The following DNAAF8 variants were observed in gnomAD, a reference collection of about 807,000 sequenced individuals.
The protein encoded by DNAAF8 is dynein axonemal-associated protein 1.
Under a neutral mutation model 54.6 loss-of-function variants are expected in DNAAF8, and 61 were observed. The ratio of observed to expected loss-of-function variants is 1.12; its 90% CI spans 0.91 to 1.38. The LOEUF (loss-of-function observed/expected upper bound fraction) is 1.38, where lower values mean the gene tolerates loss of function less well. DNAAF8 is among the 40% of genes most tolerant of loss of function. The pLI is 0.00. For synonymous variants in DNAAF8, 320 were observed against 270.1 expected (o/e 1.18, Z -1.81); for missense variants, 837 against 665.0 (o/e 1.26, Z -2.85).
At position 4,746,638 on chromosome 16, in the gene DNAAF8, A is replaced by T. The variant is rs1041286528; in HGVS notation, c.1181+126A>T. On this transcript the variant is annotated intron_variant, in intron 7 of 9. Coordinates refer to ENST00000299320, the MANE Select transcript of DNAAF8 (RefSeq NM_139170.3). ...CTTCAAAAGGCTTGGATCAATTCTCAATTGAAAAGTGCTGGCCTACAGTCC... is the reference window on the plus strand; with the variant it reads ...CTTCAAAAGGCTTGGATCAATTCTCTATTGAAAAGTGCTGGCCTACAGTCC... The T allele has an allele frequency of 3.1e-6, 4 of 1,280,094 alleles. No homozygotes were observed. The African/African-American group carries it at 6.0e-5, about 19-fold the overall frequency. The allele number at this position is 1,280,094 out of a possible 1,614,324, so 79.3% of individuals were successfully genotyped here.
intron 4 of DNAAF8, 146 bp downstream of exon 4, chr16:4,740,805 A>G: frequency 9.1e-7 from 1 of 1,101,600 alleles, no homozygotes; most frequent in East Asian, 2.6e-5. Context: ...TACCTGTCTC[A>G]GTAGAGGGGT....
rs542506327 is a variant in DNAAF8 at position 4,741,041 on chromosome 16, G to A, written c.783+382G>A. Among the ~76,000 whole-genome samples, 3 of 147,076 alleles carry A rather than the reference G, an allele frequency of 2.0e-5. No individual in the cohort carries two copies. The Admixed American group carries it at 2.1e-4, about 10-fold the overall frequency. ...AAAAGAAATCATCCTGGCTAACACG[G>A]TGAAACCCCATCTCTACTAAAAATA... On this transcript the variant is annotated intron_variant, in intron 4 of 9. Transcript: ENST00000299320.
At position 4,746,433 on chromosome 16, in the gene DNAAF8, A is replaced by G. The variant is rs753733987; in HGVS notation, c.1102A>G (p.Met368Val). 39 of 1,613,556 alleles carry G rather than the reference A, an allele frequency of 2.4e-5. No homozygotes were observed. The highest frequency in any genetic ancestry group is 3.2e-5 in the Non-Finnish European group (38 of 1,179,754). ...AGPGPQLAQG[M>V]RLNAESPTIF... is the part of the protein sequence containing the mutation. ...GCCAGGCCCGCAGCTGGCCCAGGGC[A>G]TGAGGCTTAACGCAGAGTCCCCCAC... Residue 368 changes from methionine to valine, a missense_variant, in exon 7 of 10, where the codon ATG becomes GTG. Met to Val is a conservative substitution (Grantham distance 21, BLOSUM62 1). Coordinates refer to ENST00000299320, the MANE Select transcript of DNAAF8 (RefSeq NM_139170.3).
intron 4 of DNAAF8, among the ~76,000 whole-genome samples, 176 bp from the exon 5 acceptor site, chr16:4,742,867 A>G (rs768842224): frequency 3.9e-5 from 6 of 152,198 alleles, no homozygotes; most frequent in Non-Finnish European, 7.3e-5. Context: ...GAGGCGTTCA[A>G]TCTGTAATGG....
In DNAAF8 at chr16:4,740,620, C is replaced by T. The variant is rs756739418; in HGVS notation, c.744C>T (p.Leu248=). 2 of 1,610,948 alleles carry T rather than the reference C, an allele frequency of 1.2e-6. No individual in the cohort carries two copies. The highest frequency in any genetic ancestry group is 8.5e-7 in the Non-Finnish European group (1 of 1,179,772). ...AESAPRSKMP[L]VEPPEGPPVL... ...CAGCTCCCAGATCCAAAATGCCCCT[C>T]GTGGAGCCTCCGGAGGGACCACCAG... The change falls in exon 4 of 10, where the codon CTC becomes CTT. Residue 248 remains leucine (L), a synonymous_variant. Transcript: ENST00000299320.
In DNAAF8 at chr16:4,743,053, C is replaced by T. The variant is rs144417396; in HGVS notation, c.794C>T (p.Ala265Val). ...TTTTAATGATTTCAGCAACTTGAAG[C>T]GTGGGATTTGGATGACATCCTTCAG... ...PPVLSLQQLE[A>V]WDLDDILQSL... Residue 265 changes from alanine (A) to valine (V), a missense_variant, in exon 5 of 10, where the codon GCG becomes GTG. Coordinates refer to ENST00000299320, the MANE Select transcript of DNAAF8 (RefSeq NM_139170.3). 337 of 1,608,750 alleles carry T rather than the reference C, an allele frequency of 2.1e-4. 1 individual carries two copies. The highest frequency in any genetic ancestry group is 2.6e-4 in the Non-Finnish European group (309 of 1,176,084).
At position 4,736,669 on chromosome 16, in the gene DNAAF8, G is replaced by A. The variant is rs919180362; in HGVS notation, c.129+26G>A. The A allele has an allele frequency of 5.9e-6, 9 of 1,530,630 alleles. No individual in the cohort carries two copies. In the African/African-American group the frequency reaches 1.2e-4, roughly 21 times the overall value. 94.8% of individuals were successfully genotyped at this position (1,530,630 alleles called of 1,614,324 possible). The stretch of plus-strand genomic sequence containing the variant: ...GTAAGCAAGAACTCTCTCCCTGGAT[G>A]CCTTGTCCTTCCTACCAGAGCAGGC... On this transcript the variant is annotated intron_variant, in intron 2 of 9. Transcript: ENST00000299320.
intron 3 of DNAAF8, 73 bp downstream of exon 3, chr16:4,738,019 G>C: frequency 6.7e-7 from 1 of 1,500,228 alleles, no homozygotes; most frequent in East Asian, 2.3e-5. Context: ...CTAAACCACT[G>C]TTCTAGCATT....
In DNAAF8 at chr16:4,736,460, A is replaced by T; in HGVS notation, c.-51-4A>T. ...CCTCTTCCATCACCCTGTGTACCCC[A>T]CAGAGCTCCCCGGATTATGGTGCAC... On this transcript the variant is annotated splice_region_variant and splice_polypyrimidine_tract_variant and intron_variant, in intron 1 of 9. Coordinates refer to ENST00000299320, the MANE Select transcript of DNAAF8 (RefSeq NM_139170.3). 1 of 1,444,256 alleles carries T rather than the reference A, an allele frequency of 6.9e-7. No individual in the cohort carries two copies. The allele number at this position is 1,444,256 out of a possible 1,614,324, so 89.5% of individuals were successfully genotyped here.
rs369881957 is a variant in DNAAF8 at position 4,740,590 on chromosome 16, G to A, written c.714G>A (p.Ala238=). Residue 238 remains alanine, a synonymous_variant, in exon 4 of 10, where the codon GCG becomes GCA. Transcript: ENST00000299320. ...TGAAGGAGGCGCCCTGCCACGCTGC[G>A]GAGTCAGCTCCCAGATCCAAAATGC... is the stretch of plus-strand genomic sequence containing the variant. ...GGVKEAPCHA[A]ESAPRSKMPL... 2.0e-5 allele frequency: 32 copies of A among 1,613,160 alleles called. No individual in the cohort carries two copies. Among genetic ancestry groups the A allele is most frequent in the East Asian group, 1.6e-4 (7 of 44,888 alleles).
At position 4,740,134 on chromosome 16, in the gene DNAAF8, A is replaced by G. The variant is rs573260997; in HGVS notation, c.277-19A>G. ...ATGTTTTTGAGGATGCTAACTGAAC[A>G]TACCTGTTTTCTTGACAGCCAGTTC... On this transcript the variant is annotated intron_variant, in intron 3 of 9. Coordinates refer to ENST00000299320, the MANE Select transcript of DNAAF8 (RefSeq NM_139170.3). The G allele has an allele frequency of 1.3e-6, 2 of 1,576,608 alleles. No individual in the cohort carries two copies. The highest frequency in any genetic ancestry group is 2.3e-5 in the South Asian group (2 of 86,820).
chr16:4,735,684 G>A (rs895897888), intron 1 of DNAAF8, among the ~76,000 whole-genome samples: 2 of 151,896 alleles, frequency 1.3e-5, no homozygotes, highest in African/African-American at 2.4e-5. Flanking sequence ...TCAGCCAGGC[G>A]CGATGGCACA....
intron 2 of DNAAF8, among the ~76,000 whole-genome samples, chr16:4,736,850 T>G (rs1195473565): frequency 6.6e-6 from 1 of 152,156 alleles, no homozygotes; most frequent in Non-Finnish European, 1.5e-5. Flanking sequence ...TCTGCCTTGA[T>G]TGTCATCTCT....
rs1319630820 is a variant in DNAAF8, at chr16:4,747,014, C to T, written c.1269C>T (p.Ser423=). The part of the protein sequence containing the change: ...LGDAEGASPS[S]LGLRTCTGKS... ...ACGCAGAGGGGGCATCTCCTTCCTC[C>T]CTGGGGCTACGGTAACCACCCAGGG... is the stretch of plus-strand genomic sequence containing the variant. The change falls in exon 8 of 10, where the codon TCC becomes TCT. Residue 423 remains serine, a synonymous_variant. Coordinates refer to ENST00000299320, the MANE Select transcript of DNAAF8 (RefSeq NM_139170.3). 1.3e-6 allele frequency: 2 copies of T among 1,530,362 alleles called. No individual in the cohort carries two copies. The highest frequency in any genetic ancestry group is 1.4e-5 in the African/African-American group (1 of 71,026). The allele number at this position is 1,530,362 out of a possible 1,614,324, so 94.8% of individuals were successfully genotyped here.
Position 4,740,450 on chromosome 16 carries a change from G to A in DNAAF8, c.574G>A (p.Glu192Lys). The A allele has an allele frequency of 6.8e-6, 11 of 1,614,022 alleles. No individual in the cohort carries two copies. Among genetic ancestry groups the A allele is most frequent in the Non-Finnish European group, 9.3e-6 (11 of 1,179,966 alleles). The change falls in exon 4 of 10, where the codon GAA becomes AAA. Residue 192 changes from glutamate (E) to lysine (K), a missense_variant. By Grantham distance (56) the Glu-to-Lys change is moderately conservative. Coordinates refer to ENST00000299320, the MANE Select transcript of DNAAF8 (RefSeq NM_139170.3). ...AGAGCCCCTCAGCACTGCCTCACAA[G>A]AATCTGTGAACCGCCGGGCCCTCCG... Reference protein sequence around the residue: ...KAEPLSTASQESVNRRALRQE... With the variant: ...KAEPLSTASQKSVNRRALRQE...
chr16:4,748,768 T>C lies in DNAAF8; in HGVS notation c.*53T>C, dbSNP rs1012673883. 3.9e-5 allele frequency: 6 copies of C among 152,526 alleles called. No individual in the cohort carries two copies. The highest frequency in any genetic ancestry group is 4.1e-4 in the South Asian group (2 of 4,826). The allele number at this position is 152,526 out of a possible 1,614,324, so 9.4% of individuals were successfully genotyped here. Reference sequence around the variant, plus strand: ...CCCCGTGGGAAGAGCAGAGAAATCATCACCACCTTGGGCCCCACGGTGCCA... The same window carrying C: ...CCCCGTGGGAAGAGCAGAGAAATCACCACCACCTTGGGCCCCACGGTGCCA... On this transcript the variant is annotated 3_prime_UTR_variant, in exon 10 of 10. Transcript: ENST00000299320.
Position 4,737,955 on chromosome 16 carries a change from G to T in DNAAF8, c.276+9G>T. ...AAGAGTCCCTTCCCGAGGTCTGTGG[G>T]ACACAGAAGAGTATACGCCTGTGTG... On this transcript the variant is annotated intron_variant, in intron 3 of 9. Transcript: ENST00000299320. The T allele has an allele frequency of 6.2e-7, 1 of 1,613,668 alleles. No individual in the cohort carries two copies. Among genetic ancestry groups the T allele is most frequent in the Non-Finnish European group, 8.5e-7 (1 of 1,179,612 alleles).
intron 6 of DNAAF8, 120 bp from the exon 7 acceptor site, chr16:4,746,255 C>A: frequency 9.2e-7 from 1 of 1,083,466 alleles, no homozygotes; most frequent in Non-Finnish European, 1.3e-6. Flanking sequence ...ATGTGCCCGT[C>A]TGTAGAGAGT....
chr16:4,744,224 C>G (rs921145307), intron 5 of DNAAF8, among the ~76,000 whole-genome samples: 1 of 152,324 alleles, frequency 6.6e-6, no homozygotes, highest in East Asian at 1.9e-4. Flanking sequence ...AGCCACCGCG[C>G]TTGGCCGAAT....
Sources: gnomAD v4.1 joint callset for allele counts (sites outside exome capture counted in the v4.1 genomes callset) on GRCh38, gnomAD v4.1.1 for gene constraint, MANE v1.5 for transcripts, NCBI Gene and HGNC (gene_info 2026-07-23, HGNC 2026-07-21) for gene names.